MRPL4: variants seen among roughly 807,000 people sequenced by gnomAD.
MRPL4 encodes large ribosomal subunit protein uL4m.
MRPL4 carries 34 observed loss-of-function variants against 34.1 expected under a neutral mutation model. The ratio of observed to expected loss-of-function variants is 1.00; its 90% CI spans 0.76 to 1.33. The LOEUF (loss-of-function observed/expected upper bound fraction) is 1.33, where lower values mean the gene tolerates loss of function less well. Among genes scored for constraint, MRPL4 ranks in the 40% most tolerant of loss-of-function variants. The pLI, the probability that MRPL4 is intolerant of heterozygous loss-of-function variation, is 0.00. For missense variants in MRPL4, 402 were observed against 434.6 expected (o/e 0.92, Z 0.67); for synonymous variants, 196 against 188.3 (o/e 1.04, Z -0.33).
rs1160508198 is a variant in MRPL4 at position 10,259,605 on chromosome 19, CCCCGCCCCCAG to C, written c.740-11_740-1del. 27 of 1,517,366 alleles carry C rather than the reference CCCCGCCCCCAG, an allele frequency of 1.8e-5. No homozygotes were observed. Among genetic ancestry groups the C allele is most frequent in the Admixed American group, 1.2e-4 (5 of 41,826 alleles). The allele number at this position is 1,517,366 out of a possible 1,614,324, so 94.0% of individuals were successfully genotyped here. A position where few individuals can be genotyped will look rare whatever the true frequency, so the allele number is the denominator to read the frequency against. Reference sequence around the variant, plus strand: ...TGACCGGCCCCCCGCCCCGCCCCCACCCCGCCCCCAGGCCTAAATGTGCACAGCATGCTCAA... The same window carrying C: ...TGACCGGCCCCCCGCCCCGCCCCCACGCCTAAATGTGCACAGCATGCTCAA... On this transcript the variant is annotated splice_acceptor_variant and splice_polypyrimidine_tract_variant and intron_variant, in intron 8 of 8. Transcript: ENST00000253099. LOFTEE classifies it high-confidence loss of function.
chr19:10,254,471 GGCAGAGGCAAATC>G (rs2039829594), intron 3 of MRPL4, 105 bp from the exon 4 acceptor site: 1 of 1,156,488 alleles, frequency 8.6e-7, no homozygotes, highest in Non-Finnish European at 1.3e-6. Context: ...GTCAGTGAGG[GGCAGAGGCAAATC>G]GCCCAGGGCC....
intron 8 of MRPL4, 91 bp downstream of exon 8, chr19:10,258,776 T>G: frequency 6.2e-7 from 1 of 1,611,294 alleles, no homozygotes; most frequent in Non-Finnish European, 8.5e-7. Context: ...GGTCGCTGAG[T>G]GGCCTCAGGC....
intron 4 of MRPL4, among the ~76,000 whole-genome samples, chr19:10,256,355 A>G (rs539174580): frequency 7.2e-5 from 11 of 152,142 alleles, no homozygotes; most frequent in African/African-American, 2.6e-4. Context: ...CTGAGGCAGG[A>G]GAATCGCTTG....
At chr19:10,254,769 T>C in intron 4 of MRPL4, 129 bp downstream of exon 4, 3 of 833,454 alleles carry the variant, frequency 3.6e-6, no homozygotes, top group Non-Finnish European at 5.6e-6. Context: ...TCTCCTGAAC[T>C]ATTCACCGAT....
rs149455391 is a variant in MRPL4 at position 10,253,551 on chromosome 19, G to A, written c.275+850G>A. Among the ~76,000 whole-genome samples the A allele has an allele frequency of 1.5e-3, 228 of 151,952 alleles. 3 individuals carry two copies. Among genetic ancestry groups the A allele is most frequent in the East Asian group, 0.012 (64 of 5,168 alleles). ...CACATCTGTAATCCCAGCACATTGGGAGGCCGAGGTGGGCGGATCACTTGA... is the reference window on the plus strand; with the variant it reads ...CACATCTGTAATCCCAGCACATTGGAAGGCCGAGGTGGGCGGATCACTTGA... On this transcript the variant is annotated intron_variant, in intron 3 of 8. Transcript: ENST00000253099.
chr19:10,259,284 G>C (rs1599255270), intron 8 of MRPL4: 5 of 1,369,994 alleles, frequency 3.6e-6, no homozygotes, highest in East Asian at 2.9e-5. Context: ...TGGCACGTCA[G>C]GCCCTGCACG....
Position 10,252,260 on chromosome 19 carries a change from C to T in MRPL4, c.7C>T (p.Gln3Ter). The T allele has an allele frequency of 1.2e-6, 2 of 1,606,470 alleles. No homozygotes were observed. Among genetic ancestry groups the T allele is most frequent in the Non-Finnish European group, 1.7e-6 (2 of 1,177,190 alleles). The change falls in exon 1 of 9, where the codon CAG (glutamine) becomes TAG (stop). Residue 3 changes from glutamine to a stop codon, truncating the protein, a stop_gained. Transcript: ENST00000253099. LOFTEE classifies it high-confidence loss of function. ML[Q>*]FVRAGARAWL... Reference sequence around the variant, plus strand: ...CGTGGGAGGCTGCGCGGCGATGCTGCAGTTCGTCCGGGCCGGGGCGCGGGC... The same window carrying T: ...CGTGGGAGGCTGCGCGGCGATGCTGTAGTTCGTCCGGGCCGGGGCGCGGGC...
At chr19:10,256,859 TG>T (rs758129834) in intron 5 of MRPL4, 34 bp downstream of exon 5, 43 of 74,538 alleles carry the variant, frequency 5.8e-4, no homozygotes, top group Non-Finnish European at 6.1e-4. Context: ...CGGGGAGGGG[TG>T]GGGGGGCCAG....
At chr19:10,256,457 AT>A (rs750660648) in intron 4 of MRPL4, among the ~76,000 whole-genome samples, 5 of 152,040 alleles carry the variant, frequency 3.3e-5, no homozygotes, top group Non-Finnish European at 7.4e-5. Context: ...AAAAAAAAAA[AT>A]CAATAGTTCA....
chr19:10,252,542 T>G lies in MRPL4; in HGVS notation c.125-9T>G. The G allele has an allele frequency of 1.2e-6, 2 of 1,612,836 alleles. No homozygotes were observed. The highest frequency in any genetic ancestry group is 1.7e-6 in the Non-Finnish European group (2 of 1,179,324). On this transcript the variant is annotated splice_polypyrimidine_tract_variant and intron_variant, in intron 2 of 8. Coordinates refer to ENST00000253099, the MANE Select transcript of MRPL4 (RefSeq NM_015956.3). ...TGACCCTAACCTCTGACCCCCGCAATCGCTCCAGGTCTCCCGGAGCCCGTG... is the reference window on the plus strand; with the variant it reads ...TGACCCTAACCTCTGACCCCCGCAAGCGCTCCAGGTCTCCCGGAGCCCGTG...
rs541738295 is a variant in MRPL4 at position 10,252,486 on chromosome 19, A to C, written c.124+23A>C. On this transcript the variant is annotated intron_variant, in intron 2 of 8. Transcript: ENST00000253099. Reference sequence around the variant, plus strand: ...AGGGTAAGGCAACCGGGGTGGCTCCAGGAGGGGCGGCGACAGAGAGGTCTG... The same window carrying C: ...AGGGTAAGGCAACCGGGGTGGCTCCCGGAGGGGCGGCGACAGAGAGGTCTG... 3.1e-6 allele frequency: 5 copies of C among 1,613,774 alleles called. No homozygotes were observed. The South Asian group carries it at 5.5e-5, about 18-fold the overall frequency.
chr19:10,254,367 A>T (rs1231947319), intron 3 of MRPL4, among the ~76,000 whole-genome samples: 1 of 152,196 alleles, frequency 6.6e-6, no homozygotes, highest in African/African-American at 2.4e-5. Flanking sequence ...TGGAGCTGCT[A>T]CCTGTAGGCT....
intron 4 of MRPL4, chr19:10,255,718 C>T (rs1006535154): frequency 6.6e-6 from 1 of 152,622 alleles, no homozygotes; most frequent in Non-Finnish European, 1.5e-5. Flanking sequence ...CTCCCCATCA[C>T]CCTAGGAATA....
Position 10,259,670 on chromosome 19 carries a change from A to AC in MRPL4, c.795dup (p.Val266ArgfsTer49). ...CCAGACGCTGGTCCTGACGCTGCCC[A>AC]CCGTCGCCTTCCTGGAGGACAAGCT... On this transcript the variant is annotated frameshift_variant, in exon 9 of 9. Coordinates refer to ENST00000253099, the MANE Select transcript of MRPL4 (RefSeq NM_015956.3). LOFTEE classifies it low-confidence loss of function (END_TRUNC). 6.6e-7 allele frequency: 1 copy of AC among 1,504,264 alleles called. No individual in the cohort carries two copies. Among genetic ancestry groups the AC allele is most frequent in the Non-Finnish European group, 8.9e-7 (1 of 1,118,656 alleles). The allele number at this position is 1,504,264 out of a possible 1,614,324, so 93.2% of individuals were successfully genotyped here. A position where few individuals can be genotyped will look rare whatever the true frequency, so the allele number is the denominator to read the frequency against.
chr19:10,253,996 G>A (rs1365555184), intron 3 of MRPL4, among the ~76,000 whole-genome samples: 1 of 152,044 alleles, frequency 6.6e-6, no homozygotes, highest in Admixed American at 6.6e-5. Context: ...AAAAAGTAAT[G>A]GTAGGAAAAA....
intron 4 of MRPL4, 52 bp downstream of exon 4, chr19:10,254,692 G>T (rs758317685): frequency 6.2e-7 from 1 of 1,604,542 alleles, no homozygotes; most frequent in Non-Finnish European, 8.5e-7. Context: ...TGGGGAGGTT[G>T]GGGATAGGAC....
At chr19:10,256,866 G>GGGGGGGGGGGGGGGGGGGGGGGGCC in intron 5 of MRPL4, 41 bp downstream of exon 5, 29 of 378,322 alleles carry the variant, frequency 7.7e-5, no homozygotes, top group Non-Finnish European at 8.6e-5. Context: ...GGGTGGGGGG[G>GGGGGGGGGGGGGGGGGGGGGGGGCC]CCAGGGAAGG....
intron 3 of MRPL4, among the ~76,000 whole-genome samples, chr19:10,253,205 A>G (rs531040001): frequency 8.5e-5 from 13 of 152,152 alleles, no homozygotes; most frequent in African/African-American, 2.2e-4. Context: ...CCCTGGGCGC[A>G]GTGGCTCACG....
chr19:10,252,104 C>T, upstream of MRPL4: 1 of 931,374 alleles, frequency 1.1e-6, no homozygotes, highest in Non-Finnish European at 1.5e-6. Context: ...CACGCCGGGT[C>T]GGACCCCCTC....
Sources: allele counts gnomAD v4.1 joint callset (sites outside exome capture counted in the v4.1 genomes callset), GRCh38; gene constraint gnomAD v4.1.1; transcripts MANE v1.5; gene names NCBI Gene and HGNC (gene_info 2026-07-23, HGNC 2026-07-21).